VDAC1: variants seen among roughly 807,000 people sequenced by gnomAD.
VDAC1 encodes non-selective voltage-gated ion channel VDAC1.
VDAC1 carries 10 observed loss-of-function variants against 34.7 expected under a neutral mutation model. The ratio of observed to expected loss-of-function variants is 0.29; its 90% CI spans 0.18 to 0.49. VDAC1 has a LOEUF of 0.49. Among genes scored for constraint, VDAC1 ranks in the 20% least tolerant of loss-of-function variants. The pLI, the probability that VDAC1 is intolerant of heterozygous loss-of-function variation, is 0.99. For synonymous variants in VDAC1, 130 were observed against 136.0 expected (o/e 0.96, Z 0.30); for missense variants, 230 against 347.9 (o/e 0.66, Z 2.69).
the VDAC1 span, among the ~76,000 whole-genome samples, chr5:134,040,804 A>G: frequency 2.4e-4 from 37 of 152,336 alleles, no homozygotes; most frequent in South Asian, 7.5e-3. Context: ...AACCCAGGCT[A>G]TCCAATAGTG....
the VDAC1 span, among the ~76,000 whole-genome samples, chr5:134,097,659 G>C: frequency 2.0e-5 from 3 of 152,154 alleles, no homozygotes; most frequent in African/African-American, 7.2e-5. Flanking sequence ...ACGGTGGAGG[G>C]GCTGCTGGTG....
chr5:134,001,896 G>T (rs1753572765), intron 1 of VDAC1, among the ~76,000 whole-genome samples: 1 of 151,972 alleles, frequency 6.6e-6, no homozygotes, highest in Non-Finnish European at 1.5e-5. Context: ...AACCCCCTGA[G>T]TACGTGGTAA....
the VDAC1 span, among the ~76,000 whole-genome samples, chr5:134,031,725 C>T: frequency 1.3e-5 from 2 of 151,642 alleles, no homozygotes; most frequent in Admixed American, 6.6e-5. Context: ...CTGAGGCAGG[C>T]GGATCACTTG....
chr5:134,035,778 A>G, the VDAC1 span, among the ~76,000 whole-genome samples: 137,361 of 152,138 alleles, frequency 0.9, 62,248 homozygotes, highest in East Asian at 0.97. Flanking sequence ...AGGCTGAAGC[A>G]GGTGGGTCAT....
At chr5:133,980,111 A>G (rs932216716) in intron 6 of VDAC1, among the ~76,000 whole-genome samples, 5 of 152,248 alleles carry the variant, frequency 3.3e-5, no homozygotes, top group African/African-American at 1.2e-4. Flanking sequence ...TTAATTCCTC[A>G]TGAAACTAAA....
chr5:134,028,378 C>A, the VDAC1 span, among the ~76,000 whole-genome samples: 3 of 152,166 alleles, frequency 2.0e-5, no homozygotes, highest in Admixed American at 2.0e-4. Flanking sequence ...GGTGATTCGC[C>A]TGCCTTGGCC....
the VDAC1 span, among the ~76,000 whole-genome samples, chr5:134,082,900 T>C: frequency 1.3e-5 from 2 of 152,168 alleles, no homozygotes; most frequent in African/African-American, 4.8e-5. Context: ...TAATATTACA[T>C]CTATATATAT....
chr5:133,991,240 G>A (rs1753092641), intron 3 of VDAC1, 86 bp from the exon 4 acceptor site: 4 of 1,534,152 alleles, frequency 2.6e-6, no homozygotes, highest in Non-Finnish European at 3.5e-6. Context: ...TTGCCTTTCT[G>A]CAAGAGGCAA....
chr5:134,033,069 G>T, the VDAC1 span, among the ~76,000 whole-genome samples: 1 of 151,138 alleles, frequency 6.6e-6, no homozygotes, highest in Admixed American at 6.6e-5. Context: ...GGAGAGGAGA[G>T]GAGAGGAAAC....
chr5:134,096,966 G>A, the VDAC1 span, among the ~76,000 whole-genome samples: 1 of 152,256 alleles, frequency 6.6e-6, no homozygotes, highest in Non-Finnish European at 1.5e-5. Flanking sequence ...CCCCTCTGGG[G>A]AAGCCGTGGA....
the VDAC1 span, among the ~76,000 whole-genome samples, chr5:134,076,570 T>G: frequency 6.6e-6 from 1 of 152,196 alleles, no homozygotes; most frequent in African/African-American, 2.4e-5. Flanking sequence ...ACCCAGTGGA[T>G]TCAGGTCCCA....
the VDAC1 span, among the ~76,000 whole-genome samples, chr5:134,015,397 A>G: frequency 1.3e-5 from 2 of 152,206 alleles, no homozygotes; most frequent in Non-Finnish European, 2.9e-5. Flanking sequence ...ATAAAGTGCC[A>G]TCTATGAACC....
chr5:134,005,338 A>G (rs1753722640), upstream of VDAC1: 1 of 152,228 alleles, frequency 6.6e-6, no homozygotes, highest in Non-Finnish European at 1.5e-5. Context: ...CGGCGCAGAT[A>G]CAGAGTAGAG....
At chr5:134,046,852 G>C in the VDAC1 span, among the ~76,000 whole-genome samples, 1 of 152,226 alleles carries the variant, frequency 6.6e-6, no homozygotes, top group African/African-American at 2.4e-5. Context: ...ATGTGGCTTA[G>C]TGCCTCCAGG....
the VDAC1 span, among the ~76,000 whole-genome samples, chr5:134,021,186 C>CTTT: frequency 6.8e-6 from 1 of 146,542 alleles, no homozygotes. Context: ...GAGACCTTGT[C>CTTT]TTTTTTTTTT....
the VDAC1 span, among the ~76,000 whole-genome samples, chr5:134,048,060 C>T: frequency 2.0e-5 from 3 of 152,098 alleles, no homozygotes; most frequent in African/African-American, 7.2e-5. Flanking sequence ...CTCCGCCTCC[C>T]GGGTTCACAC....
At chr5:134,056,241 C>CAA in the VDAC1 span, among the ~76,000 whole-genome samples, 180 of 111,012 alleles carry the variant, frequency 1.6e-3, no homozygotes, top group African/African-American at 4.1e-3. Context: ...AACTCCGTCT[C>CAA]AAAAAAAAAA....
the VDAC1 span, among the ~76,000 whole-genome samples, chr5:134,074,602 A>C: frequency 6.6e-6 from 1 of 151,950 alleles, no homozygotes; most frequent in African/African-American, 2.4e-5. Flanking sequence ...AGGCCTGGTC[A>C]ACCAACCTAT....
chr5:134,077,045 G>A, the VDAC1 span, among the ~76,000 whole-genome samples: 9 of 152,126 alleles, frequency 5.9e-5, no homozygotes, highest in Admixed American at 2.6e-4. Context: ...TTGGGAGGCC[G>A]AGGCGGCCAG....
Sources: gnomAD v4.1 joint callset for allele counts (sites outside exome capture counted in the v4.1 genomes callset) on GRCh38, gnomAD v4.1.1 for gene constraint, MANE v1.5 for transcripts, NCBI Gene and HGNC (gene_info 2026-07-23, HGNC 2026-07-21) for gene names.